The following MAP2K1 variants were observed in gnomAD, a reference collection of about 807,000 sequenced individuals.
MAP2K1 encodes mitogen-activated protein kinase kinase 1.
A neutral mutation model predicts 46.3 loss-of-function variants in MAP2K1; 16 were observed. The ratio of observed to expected loss-of-function variants is 0.35; its 90% confidence interval spans 0.23 to 0.52. The LOEUF is 0.52. Among genes scored for constraint, MAP2K1 ranks in the 20% least tolerant of loss-of-function variants. The pLI, the probability that MAP2K1 is intolerant of heterozygous loss-of-function variation, is 0.94. For synonymous variants in MAP2K1, 183 were observed against 185.6 expected, an observed-to-expected ratio of 0.99 and a Z score of 0.11; for missense variants, 263 against 497.1, an observed-to-expected ratio of 0.53 and a Z score of 4.48.
chr15:66,485,300 C>G (rs1009617963), intron 7 of MAP2K1, 109 bp downstream of exon 7: 2 of 1,106,900 alleles, frequency 1.8e-6, no homozygotes, highest in East Asian at 2.6e-5. Flanking sequence ...GACTGATTCT[C>G]TGTCCCTGGA....
intron 5 of MAP2K1, among the ~76,000 whole-genome samples, chr15:66,469,416 T>C (rs1892553312): frequency 6.7e-6 from 1 of 149,376 alleles, no homozygotes. Flanking sequence ...GTTTATACTC[T>C]TGGGGAGACC....
intron 5 of MAP2K1, among the ~76,000 whole-genome samples, chr15:66,458,634 A>T (rs1471803402): frequency 2.0e-5 from 3 of 152,166 alleles, no homozygotes; most frequent in African/African-American, 7.2e-5. Context: ...CTCTCACCTC[A>T]GCCTTCTGAG....
At chr15:66,490,464 C>G (rs750905886) in intron 10 of MAP2K1, 38 bp from the exon 11 acceptor site, 1 of 1,463,036 alleles carries the variant, frequency 6.8e-7, no homozygotes, top group East Asian at 2.3e-5. Flanking sequence ...TTTTTTGTTT[C>G]TTTTTAACAC....
At chr15:66,418,039 G>A (rs2093428564) in intron 1 of MAP2K1, among the ~76,000 whole-genome samples, 1 of 152,148 alleles carries the variant, frequency 6.6e-6, no homozygotes, top group Non-Finnish European at 1.5e-5. Context: ...GGGACGAAGG[G>A]ATTTATTGAA....
chr15:66,390,727 C>G (rs544918923), intron 1 of MAP2K1, among the ~76,000 whole-genome samples: 3 of 152,164 alleles, frequency 2.0e-5, no homozygotes, highest in Non-Finnish European at 4.4e-5. Flanking sequence ...ATTGCAGTTA[C>G]ACAAAATCCA....
intron 1 of MAP2K1, among the ~76,000 whole-genome samples, chr15:66,426,669 C>T (rs911896187): frequency 6.6e-6 from 1 of 152,204 alleles, no homozygotes; most frequent in Non-Finnish European, 1.5e-5. Context: ...AGAAGAAAAA[C>T]ATGCTTGTGG....
intron 5 of MAP2K1, among the ~76,000 whole-genome samples, chr15:66,459,583 A>T (rs960232762): frequency 9.3e-5 from 14 of 150,068 alleles, no homozygotes; most frequent in Non-Finnish European, 1.6e-4. Flanking sequence ...ACACCACTGC[A>T]CTCCAGTCTG....
intron 2 of MAP2K1, among the ~76,000 whole-genome samples, chr15:66,436,182 A>G (rs2093487573): frequency 6.6e-6 from 1 of 152,060 alleles, no homozygotes; most frequent in African/African-American, 2.4e-5. Flanking sequence ...CACTGCATCC[A>G]TGTTCTCTGA....
At chr15:66,418,763 C>T (rs903015486) in intron 1 of MAP2K1, among the ~76,000 whole-genome samples, 3 of 150,918 alleles carry the variant, frequency 2.0e-5, no homozygotes, top group Non-Finnish European at 3.0e-5. Context: ...CCCGGGTTCA[C>T]GCCATTCTCC....
Position 66,429,672 on chromosome 15 carries a change from C to A in MAP2K1, c.81-5355C>A, listed in dbSNP as rs941143003. Among the ~76,000 whole-genome samples the A allele has an allele frequency of 6.3e-4, 23 of 36,384 alleles. 1 individual carries two copies. The highest frequency in any genetic ancestry group is 2.9e-3 in the Admixed American group (16 of 5,556). 23.9% of individuals were successfully genotyped at this position (36,384 alleles called of 152,430 possible). On this transcript the variant is annotated intron_variant, in intron 1 of 10. Coordinates refer to ENST00000307102, the MANE Select transcript of MAP2K1 (RefSeq NM_002755.4). Reference sequence around the variant, plus strand: ...TGGGTCTGCACTGCGGCGCCCCCCCCCCCCCCGTCCCCCCCAACACAGATG... The same window carrying A: ...TGGGTCTGCACTGCGGCGCCCCCCCACCCCCCGTCCCCCCCAACACAGATG...
At chr15:66,472,228 C>A (rs541763828) in intron 5 of MAP2K1, among the ~76,000 whole-genome samples, 56 of 151,474 alleles carry the variant, frequency 3.7e-4, no homozygotes, top group Admixed American at 9.9e-4. Context: ...TTGCTTGAAT[C>A]TGGGAGGCAG....
chr15:66,413,911 C>CTTTTTTTTTT (rs10649963), intron 1 of MAP2K1, among the ~76,000 whole-genome samples: 3 of 111,534 alleles, frequency 2.7e-5, no homozygotes, highest in African/African-American at 6.9e-5. Context: ...TCTTCTTCTT[C>CTTTTTTTTTT]TTTTTTTTTT....
chr15:66,435,685 A>C (rs1328217420), intron 2 of MAP2K1, among the ~76,000 whole-genome samples: 6 of 152,152 alleles, frequency 3.9e-5, no homozygotes, highest in Non-Finnish European at 1.5e-5. Context: ...AAACACACTA[A>C]TGACTGTGTT....
At chr15:66,453,631 C>T in intron 5 of MAP2K1, 1 of 697,974 alleles carries the variant, frequency 1.4e-6, no homozygotes, top group East Asian at 2.7e-5. Flanking sequence ...TCCTCATGGC[C>T]AGTTCTACCT....
chr15:66,400,877 G>A (rs1487629695), intron 1 of MAP2K1, among the ~76,000 whole-genome samples: 2 of 152,172 alleles, frequency 1.3e-5, no homozygotes, highest in East Asian at 3.8e-4. Flanking sequence ...AAATGGACAA[G>A]GTAGAAAGAC....
intron 4 of MAP2K1, 93 bp downstream of exon 4, chr15:66,443,450 TGA>T (rs941379831): frequency 1.2e-6 from 1 of 817,588 alleles, no homozygotes; most frequent in Non-Finnish European, 2.1e-6. Context: ...GGGAAGTCAA[TGA>T]GGGGAAAGTT....
intron 3 of MAP2K1, among the ~76,000 whole-genome samples, chr15:66,441,557 A>G (rs1213645130): frequency 5.9e-5 from 9 of 151,922 alleles, no homozygotes; most frequent in African/African-American, 2.2e-4. Context: ...TGTGGTCCCA[A>G]CTACACGGAA....
intron 1 of MAP2K1, among the ~76,000 whole-genome samples, chr15:66,397,836 G>A (rs916127010): frequency 2.6e-5 from 4 of 152,238 alleles, no homozygotes; most frequent in African/African-American, 9.6e-5. Flanking sequence ...ATTTGCGGTG[G>A]CTCACGCCTG....
intron 3 of MAP2K1, among the ~76,000 whole-genome samples, chr15:66,442,027 CG>C (rs1009591160): frequency 6.6e-6 from 1 of 152,178 alleles, no homozygotes; most frequent in African/African-American, 2.4e-5. Context: ...AACCCCTTAA[CG>C]GGAGCCCCTG....
Sources: allele counts gnomAD v4.1 joint callset (sites outside exome capture counted in the v4.1 genomes callset), GRCh38; gene constraint gnomAD v4.1.1; transcripts MANE v1.5; gene names NCBI Gene and HGNC (gene_info 2026-07-23, HGNC 2026-07-21).